Variants in PPDPFL observed in about 807,000 individuals in gnomAD.
PPDPFL encodes the protein pancreatic progenitor cell differentiation and proliferation factor-like protein.
Under a neutral mutation model 12.6 loss-of-function variants are expected in PPDPFL, and 12 were observed. The ratio of observed to expected loss-of-function variants is 0.95; its 90% CI spans 0.61 to 1.54. PPDPFL has a LOEUF of 1.54. Among genes scored for constraint, PPDPFL ranks in the 40% most tolerant of loss-of-function variants. PPDPFL has a pLI of 0.00. For missense variants in PPDPFL, 114 were observed against 96.0 expected (o/e 1.19, Z -0.78); for synonymous variants, 24 against 32.7 (o/e 0.73, Z 0.91).
At chr8:49,071,610 C>A (rs1013645095), upstream of PPDPFL, among the ~76,000 whole-genome samples, 2 of 151,794 alleles carry the variant, frequency 1.3e-5, no homozygotes, top group Non-Finnish European at 2.9e-5. Context: ...GAGCCCAAAT[C>A]GCGCCACTGC....
upstream of PPDPFL, among the ~76,000 whole-genome samples, chr8:49,070,869 CAT>C (rs1491261593): frequency 3.3e-5 from 5 of 151,680 alleles, no homozygotes; most frequent in Non-Finnish European, 5.9e-5. Flanking sequence ...TGTATGTGTG[CAT>C]GAGTGTGTGT....
chr8:49,074,215 C>G lies in PPDPFL; in HGVS notation c.134-19C>G. On this transcript the variant is annotated intron_variant, in intron 3 of 4. Coordinates refer to ENST00000522267, the MANE Select transcript of PPDPFL (RefSeq NM_001256597.2). Reference sequence around the variant, plus strand: ...CTCAAATTTGTTTGATAAGGAGTAACATGAATTTTATTTAATAGGGTTGCC... The same window carrying G: ...CTCAAATTTGTTTGATAAGGAGTAAGATGAATTTTATTTAATAGGGTTGCC... 6.2e-7 allele frequency: 1 copy of G among 1,610,582 alleles called. No homozygotes were observed.
intron 1 of PPDPFL, among the ~76,000 whole-genome samples, chr8:49,065,087 A>T (rs1370614295): frequency 6.6e-6 from 1 of 152,216 alleles, no homozygotes; most frequent in Non-Finnish European, 1.5e-5. Flanking sequence ...TGAGCCAGTT[A>T]TGTTCATTTA....
intron 1 of PPDPFL, among the ~76,000 whole-genome samples, chr8:49,057,438 T>A (rs1808128820): frequency 6.6e-6 from 1 of 152,152 alleles, no homozygotes. Context: ...ATTTTTTATA[T>A]TTACTTTTTA....
At position 49,075,405 on chromosome 8, in the gene PPDPFL, A is replaced by C; in HGVS notation, c.*232A>C. On this transcript the variant is annotated 3_prime_UTR_variant, in exon 5 of 5. Transcript: ENST00000522267. ...CAAGATCACAGCAGCCACTGATATAAAAAAAGTTTAGGCATTTTTCTCAAC... is the reference window on the plus strand; with the variant it reads ...CAAGATCACAGCAGCCACTGATATACAAAAAGTTTAGGCATTTTTCTCAAC... 1 of 874,400 alleles carries C rather than the reference A, an allele frequency of 1.1e-6. No individual in the cohort carries two copies. The highest frequency in any genetic ancestry group is 1.8e-6 in the Non-Finnish European group (1 of 541,588). 54.2% of individuals were successfully genotyped at this position (874,400 alleles called of 1,614,324 possible).
intron 1 of PPDPFL, among the ~76,000 whole-genome samples, chr8:49,061,902 A>G (rs1179832758): frequency 2.0e-5 from 3 of 152,186 alleles, no homozygotes; most frequent in Non-Finnish European, 4.4e-5. Context: ...AATGCATTAA[A>G]TTTTTTTGAA....
At chr8:49,061,133 A>G (rs1189936132) in intron 1 of PPDPFL, among the ~76,000 whole-genome samples, 1 of 152,126 alleles carries the variant, frequency 6.6e-6, no homozygotes, top group Non-Finnish European at 1.5e-5. Context: ...GCAGGATGGC[A>G]TGGGCTATAC....
At chr8:49,067,137 T>G (rs1161538134) in intron 1 of PPDPFL, among the ~76,000 whole-genome samples, 1 of 152,264 alleles carries the variant, frequency 6.6e-6, no homozygotes, top group Non-Finnish European at 1.5e-5. Context: ...TTATATGTAT[T>G]GAAACTGAAA....
chr8:49,075,988 C>T lies in PPDPFL; in HGVS notation c.*815C>T, dbSNP rs888314363. On this transcript the variant is annotated 3_prime_UTR_variant, in exon 5 of 5. Coordinates refer to ENST00000522267, the MANE Select transcript of PPDPFL (RefSeq NM_001256597.2). Reference sequence around the variant, plus strand: ...CTATTTCTGGAGATGGGATTATGGGCGTTTTTCATTCTCTTTTTAATATAT... The same window carrying T: ...CTATTTCTGGAGATGGGATTATGGGTGTTTTTCATTCTCTTTTTAATATAT... 8 of 152,002 alleles carry T rather than the reference C, an allele frequency of 5.3e-5. No individual in the cohort carries two copies. The highest frequency in any genetic ancestry group is 2.1e-4 in the South Asian group (1 of 4,820). The allele number at this position is 152,002 out of a possible 1,614,324, so 9.4% of individuals were successfully genotyped here. A position where few individuals can be genotyped will look rare whatever the true frequency, so the allele number is the denominator to read the frequency against.
chr8:49,074,518 C>T, intron 4 of PPDPFL, 185 bp downstream of exon 4: 1 of 1,537,486 alleles, frequency 6.5e-7, no homozygotes, highest in Non-Finnish European at 8.7e-7. Context: ...AGGTCGCTGT[C>T]AGGAAGATCA....
Position 49,075,972 on chromosome 8 carries a change from G to C in PPDPFL, c.*799G>C, listed in dbSNP as rs1469676018. The C allele has an allele frequency of 6.6e-6, 1 of 152,090 alleles. No homozygotes were observed. Among genetic ancestry groups the C allele is most frequent in the Non-Finnish European group, 1.5e-5 (1 of 68,010 alleles). 9.4% of individuals were successfully genotyped at this position (152,090 alleles called of 1,614,324 possible). A position where few individuals can be genotyped will look rare whatever the true frequency, so the allele number is the denominator to read the frequency against. ...CAAAATGCTGACAGGGCTATTTCTG[G>C]AGATGGGATTATGGGCGTTTTTCAT... is the stretch of plus-strand genomic sequence containing the variant. On this transcript the variant is annotated 3_prime_UTR_variant, in exon 5 of 5. Coordinates refer to ENST00000522267, the MANE Select transcript of PPDPFL (RefSeq NM_001256597.2).
chr8:49,055,238 T>A (rs1273064141), intron 1 of PPDPFL, among the ~76,000 whole-genome samples: 1 of 152,154 alleles, frequency 6.6e-6, no homozygotes, highest in Non-Finnish European at 1.5e-5. Flanking sequence ...GCCGTCACCA[T>A]GCCTTTCCTA....
intron 1 of PPDPFL, among the ~76,000 whole-genome samples, chr8:49,064,752 T>C (rs1157612000): frequency 6.6e-6 from 1 of 152,214 alleles, no homozygotes; most frequent in African/African-American, 2.4e-5. Context: ...CTGCATTTCA[T>C]AGACGAGGAT....
chr8:49,068,157 A>G (rs567058876), upstream of PPDPFL, among the ~76,000 whole-genome samples: 3 of 152,340 alleles, frequency 2.0e-5, no homozygotes, highest in South Asian at 6.2e-4. Context: ...CATATCTGTC[A>G]GGTTTTGTGC....
intron 1 of PPDPFL, among the ~76,000 whole-genome samples, chr8:49,065,175 T>G (rs1229830216): frequency 1.3e-5 from 2 of 152,066 alleles, no homozygotes; most frequent in Non-Finnish European, 2.9e-5. Context: ...CAAGTGCAGC[T>G]CAGAGAATCC....
intron 1 of PPDPFL, among the ~76,000 whole-genome samples, chr8:49,055,037 T>C (rs1354199962): frequency 6.6e-6 from 1 of 152,204 alleles, no homozygotes; most frequent in Non-Finnish European, 1.5e-5. Flanking sequence ...AAGCTCAATA[T>C]GTTTGAAACT....
rs564344603 is a variant in PPDPFL at position 49,075,572 on chromosome 8, T to C, written c.*399T>C. 4.8e-5 allele frequency: 16 copies of C among 336,272 alleles called. No individual in the cohort carries two copies. Among genetic ancestry groups the C allele is most frequent in the African/African-American group, 3.1e-4 (15 of 47,784 alleles). The allele number at this position is 336,272 out of a possible 1,614,324, so 20.8% of individuals were successfully genotyped here. A position where few individuals can be genotyped will look rare whatever the true frequency, so the allele number is the denominator to read the frequency against. On this transcript the variant is annotated 3_prime_UTR_variant, in exon 5 of 5. Transcript: ENST00000522267. ...AGTAGCTCTTTCATTTTTTATATCA[T>C]TTTTATTAAAAAAACTTAAGTTAGA...
At chr8:49,064,710 T>C (rs1808267518) in intron 1 of PPDPFL, among the ~76,000 whole-genome samples, 1 of 152,160 alleles carries the variant, frequency 6.6e-6, no homozygotes, top group South Asian at 2.1e-4. Flanking sequence ...GAACAGAGCC[T>C]GAGTTCCTAC....
At chr8:49,073,569 C>A (rs946138046) in intron 2 of PPDPFL, among the ~76,000 whole-genome samples, 5 of 152,060 alleles carry the variant, frequency 3.3e-5, no homozygotes, top group African/African-American at 7.2e-5. Flanking sequence ...GTTATTTATC[C>A]ACAGGAGTTA....
Sources: allele counts gnomAD v4.1 joint callset (sites outside exome capture counted in the v4.1 genomes callset), GRCh38; gene constraint gnomAD v4.1.1; transcripts MANE v1.5; gene names NCBI Gene and HGNC (gene_info 2026-07-23, HGNC 2026-07-21).